The following EFCAB13 variants were observed in gnomAD, a reference collection of about 807,000 sequenced individuals.
EFCAB13 encodes the protein EF-hand calcium-binding domain-containing protein 13.
A neutral mutation model predicts 110.2 loss-of-function variants in EFCAB13; 91 were observed. The ratio of observed to expected loss-of-function variants is 0.83; its 90% CI spans 0.70 to 0.98. The LOEUF is 0.98. EFCAB13 is among the 50% of genes least tolerant of loss of function. The pLI is 0.00. For missense variants in EFCAB13, 968 were observed against 1,119.4 expected, an observed-to-expected ratio of 0.86 and a Z score of 1.93; for synonymous variants, 323 against 369.9, an observed-to-expected ratio of 0.87 and a Z score of 1.45.
chr17:47,379,397 A>C, intron 14 of EFCAB13, 144 bp downstream of exon 14: 1 of 590,372 alleles, frequency 1.7e-6, no homozygotes, highest in Non-Finnish European at 3.0e-6. Flanking sequence ...AGTTTTTAAA[A>C]ACTTGCTATA....
At chr17:47,385,262 T>C (rs557101277) in intron 14 of EFCAB13, among the ~76,000 whole-genome samples, 2 of 152,308 alleles carry the variant, frequency 1.3e-5, no homozygotes, top group Admixed American at 1.3e-4. Context: ...CATTCTCCCC[T>C]GTCACTTTCA....
At chr17:47,327,538 A>G (rs2065293574) in intron 3 of EFCAB13, among the ~76,000 whole-genome samples, 1 of 150,906 alleles carries the variant, frequency 6.6e-6, no homozygotes, top group East Asian at 2.0e-4. Flanking sequence ...GCTCACTGCA[A>G]TCTCCGCCTC....
At position 47,441,133 on chromosome 17, in the gene EFCAB13, A is replaced by G. The variant is rs1236335878; in HGVS notation, c.*419A>G. The stretch of plus-strand genomic sequence containing the variant: ...CTAGTTTTGCCTTTTGTGGAATATC[A>G]TGTAAATGATTAAATATGAAGTGGT... On this transcript the variant is annotated 3_prime_UTR_variant, in exon 25 of 25. Transcript: ENST00000331493. 1.3e-5 allele frequency: 2 copies of G among 153,458 alleles called. No individual in the cohort carries two copies. The highest frequency in any genetic ancestry group is 2.9e-5 in the Non-Finnish European group (2 of 69,004). 9.5% of individuals were successfully genotyped at this position (153,458 alleles called of 1,614,324 possible). A position where few individuals can be genotyped will look rare whatever the true frequency, so the allele number is the denominator to read the frequency against.
At chr17:47,405,422 T>C (rs889527771) in intron 20 of EFCAB13, among the ~76,000 whole-genome samples, 2 of 152,272 alleles carry the variant, frequency 1.3e-5, no homozygotes, top group East Asian at 3.9e-4. Context: ...TTCACACTTT[T>C]ATCAACAGGG....
At position 47,344,233 on chromosome 17, in the gene EFCAB13, G is replaced by C; in HGVS notation, c.375G>C (p.Pro125=). The C allele has an allele frequency of 6.2e-7, 1 of 1,613,174 alleles. No homozygotes were observed. Among genetic ancestry groups the C allele is most frequent in the Non-Finnish European group, 8.5e-7 (1 of 1,179,350 alleles). Reference sequence around the variant, plus strand: ...AAGAAAACTCTTTATGCAAGTTGCCGAATCAGTACAGCGTTCACAAGACTT... The same window carrying C: ...AAGAAAACTCTTTATGCAAGTTGCCCAATCAGTACAGCGTTCACAAGACTT... ...TRKENSLCKL[P]NQYSVHKTSS... The change falls in exon 7 of 25, where the codon CCG becomes CCC. Residue 125 remains proline (P), a synonymous_variant. Transcript: ENST00000331493.
intron 14 of EFCAB13, among the ~76,000 whole-genome samples, chr17:47,383,839 G>T (rs2143389527): frequency 6.6e-6 from 1 of 152,262 alleles, no homozygotes; most frequent in South Asian, 2.1e-4. Context: ...GAGTTCTGTA[G>T]GTGTCTATTA....
At chr17:47,415,597 G>T (rs908478188) in intron 23 of EFCAB13, among the ~76,000 whole-genome samples, 1 of 152,124 alleles carries the variant, frequency 6.6e-6, no homozygotes, top group Non-Finnish European at 1.5e-5. Flanking sequence ...AGGTAGTTAG[G>T]TTTTTCTTCA....
intron 21 of EFCAB13, 92 bp downstream of exon 21, chr17:47,409,783 C>G: frequency 1.0e-6 from 1 of 998,326 alleles, no homozygotes; most frequent in Non-Finnish European, 1.6e-6. Context: ...CTCATTTTTC[C>G]TGCTGACTTC....
intron 14 of EFCAB13, among the ~76,000 whole-genome samples, chr17:47,380,566 A>C (rs1400116795): frequency 6.6e-6 from 1 of 152,212 alleles, no homozygotes; most frequent in Non-Finnish European, 1.5e-5. Flanking sequence ...TTTATAGTAG[A>C]ATGATTTATA....
intron 24 of EFCAB13, among the ~76,000 whole-genome samples, chr17:47,440,042 G>A (rs936986564): frequency 1.3e-5 from 2 of 151,932 alleles, no homozygotes; most frequent in Admixed American, 6.6e-5. Flanking sequence ...CACCTCCTCA[G>A]TATTATATTT....
At chr17:47,382,294 A>G (rs1308299716) in intron 14 of EFCAB13, among the ~76,000 whole-genome samples, 1 of 152,196 alleles carries the variant, frequency 6.6e-6, no homozygotes, top group Non-Finnish European at 1.5e-5. Context: ...CAATCATGTC[A>G]TCTGCAAACA....
At chr17:47,362,851 A>T (rs1172788229) in intron 10 of EFCAB13, among the ~76,000 whole-genome samples, 2 of 152,034 alleles carry the variant, frequency 1.3e-5, no homozygotes, top group African/African-American at 4.8e-5. Context: ...ATCAATGGAG[A>T]TGGCTCACAC....
intron 11 of EFCAB13, among the ~76,000 whole-genome samples, chr17:47,370,934 T>A (rs2065579953): frequency 6.6e-6 from 1 of 151,696 alleles, no homozygotes; most frequent in South Asian, 2.1e-4. Context: ...AGAGAGAGGG[T>A]TCACCATGTT....
At chr17:47,325,814 G>A (rs1322063890) in intron 2 of EFCAB13, among the ~76,000 whole-genome samples, 2 of 139,846 alleles carry the variant, frequency 1.4e-5, no homozygotes, top group Non-Finnish European at 3.1e-5. Flanking sequence ...TTTTTTTTTT[G>A]TACTTATTGC....
At chr17:47,393,952 A>G in intron 15 of EFCAB13, 73 bp from the exon 16 acceptor site, 1 of 770,692 alleles carries the variant, frequency 1.3e-6, no homozygotes. Context: ...TATATAACGT[A>G]TTTTATATAA....
chr17:47,418,998 G>A (rs1412238779), intron 23 of EFCAB13, among the ~76,000 whole-genome samples: 2 of 152,126 alleles, frequency 1.3e-5, no homozygotes, highest in Non-Finnish European at 2.9e-5. Context: ...CCAGAGCAGG[G>A]TAACTAGAAT....
At chr17:47,332,326 C>T (rs2065324163) in intron 4 of EFCAB13, among the ~76,000 whole-genome samples, 1 of 151,872 alleles carries the variant, frequency 6.6e-6, no homozygotes, top group Non-Finnish European at 1.5e-5. Flanking sequence ...ATTTTGGGGG[C>T]ATAATGTAGT....
In EFCAB13 at chr17:47,376,551, G is replaced by A. The variant is rs562273609; in HGVS notation, c.1373-1215G>A. On this transcript the variant is annotated intron_variant, in intron 12 of 24. Transcript: ENST00000331493. ...AATTGGACTTTTATGGAATATGACTGCCTGTATGATTTACATTAAAAAATT... is the reference window on the plus strand; with the variant it reads ...AATTGGACTTTTATGGAATATGACTACCTGTATGATTTACATTAAAAAATT... Among the ~76,000 whole-genome samples the A allele has an allele frequency of 7.0e-5, 10 of 142,996 alleles. No homozygotes were observed. In the South Asian group the frequency reaches 1.0e-3, roughly 15 times the overall value. The allele number at this position is 142,996 out of a possible 152,430, so 93.8% of individuals were successfully genotyped here.
At position 47,328,256 on chromosome 17, in the gene EFCAB13, CT is replaced by C. The variant is rs1327761711; in HGVS notation, c.-85-6del. 11 of 1,063,032 alleles carry C rather than the reference CT, an allele frequency of 1.0e-5. No homozygotes were observed. Among genetic ancestry groups the C allele is most frequent in the Admixed American group, 1.9e-5 (1 of 52,286 alleles). 65.8% of individuals were successfully genotyped at this position (1,063,032 alleles called of 1,614,324 possible). A position where few individuals can be genotyped will look rare whatever the true frequency, so the allele number is the denominator to read the frequency against. On this transcript the variant is annotated splice_polypyrimidine_tract_variant and intron_variant, in intron 3 of 24. Transcript: ENST00000331493. ...AACAAGCGTATGATTTCTTCTTTCT[CT>C]TTTTTTGGCAGGAAATCCTTTTGTA...
Sources: allele counts gnomAD v4.1 joint callset (sites outside exome capture counted in the v4.1 genomes callset), GRCh38; gene constraint gnomAD v4.1.1; transcripts MANE v1.5; gene names NCBI Gene and HGNC (gene_info 2026-07-23, HGNC 2026-07-21).